NBDY: variants seen among roughly 807,000 people sequenced by gnomAD.
NBDY encodes the protein negative regulator of P-body association.
At chrX:56,802,641 AACCTT>A (rs2069829676) in intron 2 of NBDY, among the ~76,000 whole-genome samples, 1 of 112,860 alleles carries the variant, frequency 8.9e-6, no homozygotes, top group Non-Finnish European at 1.9e-5. Flanking sequence ...CCTGCAGCAA[AACCTT>A]GGGTAATTCA....
intron 2 of NBDY, among the ~76,000 whole-genome samples, chrX:56,735,332 G>A (rs1291567843): frequency 8.9e-6 from 1 of 112,605 alleles, no homozygotes; most frequent in African/African-American, 3.2e-5. Flanking sequence ...GAAGAATGAA[G>A]TAATCTGGAA....
chrX:56,758,588 G>A (rs992451544), intron 2 of NBDY, among the ~76,000 whole-genome samples: 2 of 111,821 alleles, frequency 1.8e-5, no homozygotes, highest in African/African-American at 6.5e-5. Flanking sequence ...TGATGATGGA[G>A]CATGCAGGCT....
At chrX:56,809,012 AT>A (rs2069870689) in intron 2 of NBDY, among the ~76,000 whole-genome samples, 1 of 112,179 alleles carries the variant, frequency 8.9e-6, no homozygotes, top group African/African-American at 3.2e-5. Context: ...TTATTTCGTT[AT>A]TTACGCAGTA....
At chrX:56,782,236 C>T (rs1194423680) in intron 2 of NBDY, among the ~76,000 whole-genome samples, 2 of 95,688 alleles carry the variant, frequency 2.1e-5, no homozygotes, top group African/African-American at 3.8e-5. Context: ...TATTCTTCCT[C>T]TTCCTCCTCC....
chrX:56,755,709 G>C (rs369557984), intron 2 of NBDY, among the ~76,000 whole-genome samples: 65 of 109,909 alleles, frequency 5.9e-4, no homozygotes, highest in Non-Finnish European at 9.2e-4. Flanking sequence ...TAAACTAGTT[G>C]AACCATTGTG....
chrX:56,801,439 G>A (rs190607319), intron 2 of NBDY, among the ~76,000 whole-genome samples: 1 of 108,378 alleles, frequency 9.2e-6, no homozygotes, highest in East Asian at 2.9e-4. Context: ...ATTATACTGA[G>A]ACTGCTTCTT....
intron 2 of NBDY, among the ~76,000 whole-genome samples, chrX:56,802,585 G>A (rs916397946): frequency 8.9e-6 from 1 of 112,777 alleles, no homozygotes; most frequent in African/African-American, 3.2e-5. Context: ...CCAGCCCAAG[G>A]TGGTAAACTC....
intron 2 of NBDY, among the ~76,000 whole-genome samples, chrX:56,797,516 C>T (rs956914435): frequency 1.8e-5 from 2 of 110,562 alleles, no homozygotes; most frequent in African/African-American, 6.6e-5. Flanking sequence ...TTCTTTTCCA[C>T]CAAAAAGCTG....
intron 2 of NBDY, among the ~76,000 whole-genome samples, chrX:56,764,493 G>A (rs948866286): frequency 5.4e-5 from 6 of 110,120 alleles, no homozygotes; most frequent in Non-Finnish European, 9.5e-5. Flanking sequence ...TCAGAACCCC[G>A]GTGGGGGAAA....
intron 2 of NBDY, among the ~76,000 whole-genome samples, chrX:56,744,130 C>A (rs2069545073): frequency 9.0e-6 from 1 of 111,121 alleles, no homozygotes; most frequent in Non-Finnish European, 1.9e-5. Context: ...TTCCAAAATT[C>A]TTCTTGTTAT....
chrX:56,744,980 T>G (rs192541511), intron 2 of NBDY, among the ~76,000 whole-genome samples: 61 of 111,726 alleles, frequency 5.5e-4, no homozygotes, highest in African/African-American at 1.9e-3. Context: ...GAAAACTTCC[T>G]CCTTTTCACT....
intron 2 of NBDY, among the ~76,000 whole-genome samples, chrX:56,751,798 A>G (rs1395790132): frequency 8.9e-6 from 1 of 112,213 alleles, no homozygotes; most frequent in African/African-American, 3.2e-5. Context: ...CTATTATTTT[A>G]CTTGTAGGGG....
intron 2 of NBDY, among the ~76,000 whole-genome samples, chrX:56,813,999 T>C (rs770257509): frequency 1.4e-4 from 16 of 111,999 alleles, no homozygotes; most frequent in Non-Finnish European, 2.6e-4. Flanking sequence ...TTTTCACTGC[T>C]TTACATTATT....
chrX:56,800,400 C>T (rs1454482465), intron 2 of NBDY, among the ~76,000 whole-genome samples: 1 of 111,550 alleles, frequency 9.0e-6, no homozygotes, highest in East Asian at 2.8e-4. Context: ...TTTGTTCTCC[C>T]TTTCTGTCTG....
At chrX:56,781,246 C>A (rs1455421235) in intron 2 of NBDY, among the ~76,000 whole-genome samples, 1 of 111,978 alleles carries the variant, frequency 8.9e-6, no homozygotes, top group East Asian at 2.8e-4. Context: ...CACCTTCATT[C>A]ACAACTGTTT....
intron 2 of NBDY, among the ~76,000 whole-genome samples, chrX:56,746,339 C>T (rs776842378): frequency 1.8e-5 from 2 of 110,794 alleles, no homozygotes; most frequent in East Asian, 5.7e-4. Context: ...ATGATATGAT[C>T]GAGTTCCTCT....
intron 2 of NBDY, among the ~76,000 whole-genome samples, chrX:56,764,781 CTT>C (rs1821041990): frequency 9.4e-6 from 1 of 106,264 alleles, no homozygotes; most frequent in South Asian, 4.4e-4. Flanking sequence ...TATGTGGTCA[CTT>C]TGGGGGAACC....
At chrX:56,803,972 G>T (rs2069836859) in intron 2 of NBDY, among the ~76,000 whole-genome samples, 1 of 110,731 alleles carries the variant, frequency 9.0e-6, no homozygotes, top group Non-Finnish European at 1.9e-5. Context: ...TCTGGGCAGG[G>T]GTCCCAGTGA....
chrX:56,745,439 A>G (rs1307936887), intron 2 of NBDY, among the ~76,000 whole-genome samples: 3 of 110,105 alleles, frequency 2.7e-5, no homozygotes, highest in Non-Finnish European at 5.7e-5. Flanking sequence ...ACATACACAG[A>G]TTTTTTTGCT....
Sources: gnomAD v4.1 joint callset for allele counts (sites outside exome capture counted in the v4.1 genomes callset) on GRCh38, gnomAD v4.1.1 for gene constraint, MANE v1.5 for transcripts, NCBI Gene and HGNC (gene_info 2026-07-23, HGNC 2026-07-21) for gene names.